The following OPCML variants were observed in gnomAD, a reference collection of about 807,000 sequenced individuals.
OPCML encodes the protein opioid binding protein/cell adhesion molecule like, also known as opioid-binding protein/cell adhesion molecule.
A neutral mutation model predicts 37.8 loss-of-function variants in OPCML; 13 were observed. The ratio of observed to expected loss-of-function variants is 0.34; its 90% CI spans 0.22 to 0.55. OPCML has a LOEUF of 0.55. Ranked by LOEUF, OPCML falls within the 20% of genes least tolerant of loss-of-function variation. OPCML has a pLI of 0.91. For missense variants in OPCML, 341 were observed against 435.6 expected (o/e 0.78, Z 1.93); for synonymous variants, 176 against 168.8 (o/e 1.04, Z -0.33).
At chr11:132,979,757 C>G (rs1022059341) in intron 1 of OPCML, among the ~76,000 whole-genome samples, 1 of 152,104 alleles carries the variant, frequency 6.6e-6, no homozygotes, top group Non-Finnish European at 1.5e-5. Flanking sequence ...ACGTAAGTAA[C>G]AGTTGAGGCC....
chr11:132,524,008 T>C (rs1478129991), intron 4 of OPCML, among the ~76,000 whole-genome samples: 1 of 152,202 alleles, frequency 6.6e-6, no homozygotes, highest in Non-Finnish European at 1.5e-5. Flanking sequence ...TTGTTATTTT[T>C]CCCAAACATC....
At chr11:133,261,556 T>G (rs1941497058) in intron 1 of OPCML, among the ~76,000 whole-genome samples, 1 of 152,196 alleles carries the variant, frequency 6.6e-6, no homozygotes, top group African/African-American at 2.4e-5. Context: ...ATGGTCTGCA[T>G]CCGTCTCTAC....
chr11:132,429,098 G>T (rs1001769251), intron 7 of OPCML, among the ~76,000 whole-genome samples: 2 of 152,044 alleles, frequency 1.3e-5, no homozygotes, highest in Non-Finnish European at 2.9e-5. Context: ...AGCATGATGT[G>T]TAACGGGATC....
intron 1 of OPCML, among the ~76,000 whole-genome samples, chr11:132,948,586 T>C (rs1391062697): frequency 2.0e-5 from 3 of 152,146 alleles, no homozygotes; most frequent in African/African-American, 7.2e-5. Context: ...TTTTTTATCA[T>C]CTCTAGGAAT....
intron 4 of OPCML, among the ~76,000 whole-genome samples, chr11:132,501,094 G>T (rs1592273114): frequency 2.2e-5 from 2 of 91,720 alleles, no homozygotes; most frequent in African/African-American, 4.7e-5. Context: ...TGGGCCAAAT[G>T]GTATTTCTGC....
chr11:132,761,739 C>T (rs1210833692), intron 2 of OPCML, among the ~76,000 whole-genome samples: 1 of 152,112 alleles, frequency 6.6e-6, no homozygotes, highest in South Asian at 2.1e-4. Flanking sequence ...AGCTTCCTTG[C>T]ATTGGGTTAG....
At chr11:132,628,188 T>C (rs1418190408) in intron 3 of OPCML, among the ~76,000 whole-genome samples, 1 of 151,678 alleles carries the variant, frequency 6.6e-6, no homozygotes, top group Non-Finnish European at 1.5e-5. Context: ...GCGTAAGTAA[T>C]GAGGGGATGG....
intron 7 of OPCML, among the ~76,000 whole-genome samples, chr11:132,427,807 C>T (rs115880332): frequency 0.014 from 2,198 of 152,188 alleles, 57 homozygotes; most frequent in African/African-American, 0.05. Context: ...TGATTCAGAG[C>T]GAGGAGGGCG....
intron 2 of OPCML, among the ~76,000 whole-genome samples, chr11:132,800,222 T>C (rs762652430): frequency 6.6e-6 from 1 of 152,206 alleles, no homozygotes; most frequent in African/African-American, 2.4e-5. Context: ...GATTGCTCAT[T>C]GCAATTGCTA....
At chr11:132,717,689 T>C (rs1410173042) in intron 2 of OPCML, among the ~76,000 whole-genome samples, 2 of 151,854 alleles carry the variant, frequency 1.3e-5, no homozygotes, top group Non-Finnish European at 2.9e-5. Context: ...ACTCAGAAAA[T>C]AGAAAGAAAG....
In OPCML at chr11:132,462,866, G is replaced by T. The variant is rs565475585; in HGVS notation, c.506-25507C>A. On this transcript the variant is annotated intron_variant, in intron 4 of 7. Coordinates refer to ENST00000524381, the MANE Select transcript of OPCML (RefSeq NM_001012393.5). Reference sequence around the variant, plus strand: ...TTTGTATCTGGAAATTGCCCCTGAAGGTCAGACATGGAGAGGGACAGGGGT... The same window carrying T: ...TTTGTATCTGGAAATTGCCCCTGAATGTCAGACATGGAGAGGGACAGGGGT... Among the ~76,000 whole-genome samples the T allele has an allele frequency of 3.3e-5, 5 of 152,258 alleles. No individual in the cohort carries two copies. The South Asian group carries it at 1.0e-3, about 32-fold the overall frequency.
chr11:133,289,955 A>C (rs73600424), intron 1 of OPCML, among the ~76,000 whole-genome samples: 7,399 of 152,168 alleles, frequency 0.049, 208 homozygotes, highest in Middle Eastern at 0.071. Flanking sequence ...ATCACTGTGG[A>C]GGCAACTGAG....
intron 7 of OPCML, among the ~76,000 whole-genome samples, chr11:132,424,124 GTT>G (rs5795774): frequency 1.6e-4 from 23 of 146,652 alleles, no homozygotes; most frequent in African/African-American, 3.5e-4. Flanking sequence ...ACTAGAGGCA[GTT>G]TTTTTTTTTT....
intron 1 of OPCML, among the ~76,000 whole-genome samples, chr11:133,316,777 A>T (rs941579716): frequency 6.6e-6 from 1 of 152,240 alleles, no homozygotes; most frequent in Admixed American, 6.5e-5. Flanking sequence ...GATATTCAGC[A>T]CTAGTGAAAT....
chr11:133,041,324 T>C (rs1322343612), intron 1 of OPCML, among the ~76,000 whole-genome samples: 2 of 152,220 alleles, frequency 1.3e-5, no homozygotes, highest in Non-Finnish European at 2.9e-5. Context: ...TCTTCGGTGA[T>C]GGCATCATGT....
At chr11:132,919,986 A>G (rs1944736552) in intron 2 of OPCML, among the ~76,000 whole-genome samples, 1 of 152,226 alleles carries the variant, frequency 6.6e-6, no homozygotes, top group Non-Finnish European at 1.5e-5. Flanking sequence ...CAGGGGCTAG[A>G]TGGAAGGGGG....
chr11:132,509,981 T>A (rs2096793), intron 4 of OPCML, among the ~76,000 whole-genome samples: 30,336 of 152,036 alleles, frequency 0.2, 3,079 homozygotes, highest in Non-Finnish European at 0.22. Context: ...ACTCAATGCC[T>A]GCTCGTGAAA....
At chr11:132,984,702 G>A (rs139662056) in intron 1 of OPCML, among the ~76,000 whole-genome samples, 28 of 152,240 alleles carry the variant, frequency 1.8e-4, no homozygotes, top group Non-Finnish European at 3.5e-4. Context: ...ACCACTGACT[G>A]CTGATTGGAC....
intron 2 of OPCML, among the ~76,000 whole-genome samples, chr11:132,750,275 TG>T (rs1845503886): frequency 6.6e-6 from 1 of 152,154 alleles, no homozygotes; most frequent in Non-Finnish European, 1.5e-5. Context: ...TAACCACCAA[TG>T]GGCTGGAATG....
Sources: allele counts gnomAD v4.1 joint callset (sites outside exome capture counted in the v4.1 genomes callset), GRCh38; gene constraint gnomAD v4.1.1; transcripts MANE v1.5; gene names NCBI Gene and HGNC (gene_info 2026-07-23, HGNC 2026-07-21).